Variants in HS6ST3 observed in about 807,000 individuals in gnomAD.
HS6ST3 encodes heparan sulfate 6-O-sulfotransferase 3.
HS6ST3 carries 12 observed loss-of-function variants against 36.7 expected under a neutral mutation model. That is an observed-to-expected ratio of 0.33 (90% CI 0.21 to 0.53). The LOEUF (loss-of-function observed/expected upper bound fraction) is 0.53, where lower values mean the gene tolerates loss of function less well. Ranked by LOEUF, HS6ST3 falls within the 20% of genes least tolerant of loss-of-function variation. The pLI is 0.95. For synonymous variants in HS6ST3, 240 were observed against 257.5 expected (o/e 0.93, Z 0.65); for missense variants, 584 against 640.9 (o/e 0.91, Z 0.96).
rs1049406310 is a variant in HS6ST3 at position 96,156,902 on chromosome 13, G to T, written c.707+65333G>T. On this transcript the variant is annotated intron_variant, in intron 1 of 1. Coordinates refer to ENST00000376705, the MANE Select transcript of HS6ST3 (RefSeq NM_153456.4). ...GACATTCTCTTATGGGAATAATGGT[G>T]CCTGGCCAGGAACCATATGTCAGTG... Among the ~76,000 whole-genome samples, 6 of 151,968 alleles carry T rather than the reference G, an allele frequency of 3.9e-5. No individual in the cohort carries two copies. In the South Asian group the frequency reaches 1.2e-3, roughly 32 times the overall value.
At chr13:96,138,510 T>C (rs1370332077) in intron 1 of HS6ST3, among the ~76,000 whole-genome samples, 2 of 151,342 alleles carry the variant, frequency 1.3e-5, no homozygotes, top group African/African-American at 2.4e-5. Flanking sequence ...TAAAATTTGA[T>C]ACATTTTCAC....
At chr13:96,562,037 A>G (rs549341629) in intron 1 of HS6ST3, among the ~76,000 whole-genome samples, 4 of 152,334 alleles carry the variant, frequency 2.6e-5, no homozygotes, top group South Asian at 2.1e-4. Flanking sequence ...GTATATGTCC[A>G]AAAGAAAAGA....
chr13:96,236,359 A>G (rs1247854148), intron 1 of HS6ST3, among the ~76,000 whole-genome samples: 2 of 152,044 alleles, frequency 1.3e-5, no homozygotes, highest in Non-Finnish European at 2.9e-5. Context: ...CATCACAGGC[A>G]GCTTTGACAC....
At chr13:96,580,658 A>T (rs899178634) in intron 1 of HS6ST3, among the ~76,000 whole-genome samples, 2 of 152,108 alleles carry the variant, frequency 1.3e-5, no homozygotes, top group African/African-American at 4.8e-5. Context: ...CCTCTCTTTA[A>T]ATCATGTTCT....
intron 1 of HS6ST3, among the ~76,000 whole-genome samples, chr13:96,243,889 CT>C (rs974472123): frequency 1.4e-5 from 2 of 145,464 alleles, no homozygotes; most frequent in African/African-American, 2.6e-5. Context: ...GAAACTTTTT[CT>C]TTTTTGAGGG....
chr13:96,243,111 A>T (rs2054569103), intron 1 of HS6ST3, among the ~76,000 whole-genome samples: 1 of 152,210 alleles, frequency 6.6e-6, no homozygotes, highest in Admixed American at 6.5e-5. Flanking sequence ...ACAAATTGAG[A>T]TACTTGATGT....
At chr13:96,125,147 G>A (rs1028253161) in intron 1 of HS6ST3, among the ~76,000 whole-genome samples, 1 of 152,038 alleles carries the variant, frequency 6.6e-6, no homozygotes, top group Non-Finnish European at 1.5e-5. Context: ...ATCTGAGGTG[G>A]CGTGAAATTA....
chr13:96,410,175 C>T (rs570862363), intron 1 of HS6ST3, among the ~76,000 whole-genome samples: 21 of 152,066 alleles, frequency 1.4e-4, no homozygotes, highest in South Asian at 6.2e-4. Context: ...CAAGATGCTA[C>T]GCACAAAGTT....
At chr13:96,217,878 G>A (rs1336329264) in intron 1 of HS6ST3, among the ~76,000 whole-genome samples, 1 of 152,086 alleles carries the variant, frequency 6.6e-6, no homozygotes, top group Non-Finnish European at 1.5e-5. Flanking sequence ...ATGGGTGGAT[G>A]GATGGATGGA....
At chr13:96,521,920 C>G (rs2056095019) in intron 1 of HS6ST3, among the ~76,000 whole-genome samples, 1 of 152,054 alleles carries the variant, frequency 6.6e-6, no homozygotes, top group Non-Finnish European at 1.5e-5. Context: ...TCTTGCTTCT[C>G]TAGTTCTTTT....
chr13:96,468,512 A>ACT (rs1271961436), intron 1 of HS6ST3, among the ~76,000 whole-genome samples: 1 of 136,744 alleles, frequency 7.3e-6, no homozygotes, highest in African/African-American at 2.8e-5. Flanking sequence ...ACACACACAC[A>ACT]CACTCCATAA....
intron 1 of HS6ST3, among the ~76,000 whole-genome samples, chr13:96,689,460 C>T (rs1175305810): frequency 1.3e-5 from 2 of 151,924 alleles, no homozygotes; most frequent in African/African-American, 4.8e-5. Context: ...TGCAGATGCC[C>T]TATAACCCCA....
chr13:96,772,905 T>C (rs772442079), intron 1 of HS6ST3, among the ~76,000 whole-genome samples: 8 of 152,088 alleles, frequency 5.3e-5, no homozygotes, highest in African/African-American at 1.9e-4. Context: ...AGCTCCAGTC[T>C]GCAGCTCCCA....
Position 96,366,628 on chromosome 13 carries a change from T to C in HS6ST3, c.707+275059T>C, listed in dbSNP as rs9556577. Among the ~76,000 whole-genome samples, 24 of 152,154 alleles carry C rather than the reference T, an allele frequency of 1.6e-4. 1 individual carries two copies. In the East Asian group the frequency reaches 4.3e-3, roughly 27 times the overall value. Reference sequence around the variant, plus strand: ...TTTCTAAAAATCCCCATGCCCAAGATGCACCCCAGACCAATAACATCAGAA... The same window carrying C: ...TTTCTAAAAATCCCCATGCCCAAGACGCACCCCAGACCAATAACATCAGAA... On this transcript the variant is annotated intron_variant, in intron 1 of 1. Transcript: ENST00000376705.
At chr13:96,380,734 A>G (rs911671596) in intron 1 of HS6ST3, among the ~76,000 whole-genome samples, 5 of 152,240 alleles carry the variant, frequency 3.3e-5, no homozygotes, top group Non-Finnish European at 5.9e-5. Flanking sequence ...CTGATACTTA[A>G]TATGTTTTAA....
chr13:96,289,071 A>G (rs974508492), intron 1 of HS6ST3, among the ~76,000 whole-genome samples: 1 of 152,036 alleles, frequency 6.6e-6, no homozygotes. Context: ...AAAATTTAAA[A>G]TACTTAGGTT....
chr13:96,594,715 T>C (rs2056395254), intron 1 of HS6ST3, among the ~76,000 whole-genome samples: 1 of 152,210 alleles, frequency 6.6e-6, no homozygotes, highest in Non-Finnish European at 1.5e-5. Flanking sequence ...TTATTTTTAA[T>C]AGTTTTGTCT....
chr13:96,656,917 A>G (rs1323608250), intron 1 of HS6ST3, among the ~76,000 whole-genome samples: 1 of 143,852 alleles, frequency 7.0e-6, no homozygotes, highest in Non-Finnish European at 1.5e-5. Flanking sequence ...TCAAAACCTG[A>G]ATGTGTTATG....
rs541003825 is a variant in HS6ST3 at position 96,214,615 on chromosome 13, G to T, written c.707+123046G>T. 7.0e-4 allele frequency among the ~76,000 whole-genome samples: 107 copies of T among 152,154 alleles called. 1 individual carries two copies. The highest frequency in any genetic ancestry group is 2.3e-3 in the African/African-American group (96 of 41,500). The stretch of plus-strand genomic sequence containing the variant: ...TTTAATTTTTATGGGTACATAGTAG[G>T]TGTATATGGGATGTGCCTTACTGAG... On this transcript the variant is annotated intron_variant, in intron 1 of 1. Transcript: ENST00000376705.
Sources: gnomAD v4.1 joint callset for allele counts (sites outside exome capture counted in the v4.1 genomes callset) on GRCh38, gnomAD v4.1.1 for gene constraint, MANE v1.5 for transcripts, NCBI Gene and HGNC (gene_info 2026-07-23, HGNC 2026-07-21) for gene names.